EDEM1: variants seen among roughly 807,000 people sequenced by gnomAD.
EDEM1 encodes ER degradation-enhancing alpha-mannosidase-like protein 1.
In EDEM1, 67 loss-of-function variants were observed where a neutral mutation model predicts 74.4. The observed-to-expected ratio is 0.90, with a 90% CI of 0.74 to 1.10. The LOEUF is 1.10. EDEM1 is among the 50% of genes least tolerant of loss of function. EDEM1 has a pLI of 0.00. For synonymous variants in EDEM1, 382 were observed against 335.9 expected, an observed-to-expected ratio of 1.14 and a Z score of -1.50; for missense variants, 926 against 851.6, an observed-to-expected ratio of 1.09 and a Z score of -1.09.
chr3:5,219,239 T>G lies in EDEM1; in HGVS notation c.*3321T>G, dbSNP rs2055282104. 6.6e-6 allele frequency: 1 copy of G among 152,220 alleles called. No individual in the cohort carries two copies. The highest frequency in any genetic ancestry group is 2.4e-5 in the African/African-American group (1 of 41,450). 9.4% of individuals were successfully genotyped at this position (152,220 alleles called of 1,614,324 possible). On this transcript the variant is annotated 3_prime_UTR_variant, in exon 12 of 12. Coordinates refer to ENST00000256497, the MANE Select transcript of EDEM1 (RefSeq NM_014674.3). ...CTTTCTGGAGGGCACCAGGGGCCTT[T>G]CTCTTTGATAAATTTTTTTTGTCTG...
At position 5,203,095 on chromosome 3, in the gene EDEM1, A is replaced by G. The variant is rs1302434740; in HGVS notation, c.988A>G (p.Arg330Gly). 6.2e-7 allele frequency: 1 copy of G among 1,610,960 alleles called. No homozygotes were observed. Among genetic ancestry groups the G allele is most frequent in the African/African-American group, 1.3e-5 (1 of 74,784 alleles). ...LGDSTFEWVA[R>G]RAVKALWNLR... ...GGACTCCACATTTGAGTGGGTGGCC[A>G]GACGAGCAGTGAAAGCCCTTTGGAA... Residue 330 changes from arginine to glycine, a missense_variant, in exon 5 of 12, where the codon AGA becomes GGA. Coordinates refer to ENST00000256497, the MANE Select transcript of EDEM1 (RefSeq NM_014674.3).
Position 5,195,211 on chromosome 3 carries a change from C to A in EDEM1, c.512C>A (p.Ser171Ter). Reference protein sequence around the residue: ...RGRGPDRGDPSNLNINDVLGN... With the variant: ...RGRGPDRGDP ...TGAATTTTAATTTTCTTTTTCAGTT[C>A]AAATCTGAACATCAATGATGTACTA... The change falls in exon 2 of 12, where the codon TCA becomes TAA. Residue 171 changes from serine to a stop codon, truncating the protein, a stop_gained and splice_region_variant. Coordinates refer to ENST00000256497, the MANE Select transcript of EDEM1 (RefSeq NM_014674.3). LOFTEE classifies it high-confidence loss of function. 1 of 1,512,742 alleles carries A rather than the reference C, an allele frequency of 6.6e-7. No homozygotes were observed. The highest frequency in any genetic ancestry group is 1.3e-5 in the South Asian group (1 of 77,716). 93.7% of individuals were successfully genotyped at this position (1,512,742 alleles called of 1,614,324 possible). A position where few individuals can be genotyped will look rare whatever the true frequency, so the allele number is the denominator to read the frequency against.
chr3:5,208,311 C>A, intron 8 of EDEM1, 48 bp downstream of exon 8: 1 of 1,577,508 alleles, frequency 6.3e-7, no homozygotes, highest in Non-Finnish European at 8.6e-7. Context: ...CCTCCCCTGA[C>A]CCCAGCAGTT....
intron 6 of EDEM1, 112 bp from the exon 7 acceptor site, chr3:5,207,041 G>GA (rs1327316211): frequency 6.2e-5 from 90 of 1,462,538 alleles, no homozygotes; most frequent in Non-Finnish European, 7.7e-5. Context: ...TGAGTTAGGA[G>GA]AAAAAATTAA....
In EDEM1 at chr3:5,201,841, G is replaced by A. The variant is rs2055038640; in HGVS notation, c.775G>A (p.Glu259Lys). The part of the protein sequence containing the change: ...GDMTIKDYDN[E>K]LLYMAHDLAV... ...CATGACAATTAAGGACTATGATAAT[G>A]AGTTGTTATACATGGCCCATGACCT... Residue 259 changes from glutamate (E) to lysine (K), a missense_variant, in exon 4 of 12, where the codon GAG becomes AAG. Glu to Lys is a moderately conservative substitution (Grantham distance 56). Transcript: ENST00000256497. The A allele has an allele frequency of 6.2e-7, 1 of 1,614,080 alleles. No individual in the cohort carries two copies.
intron 10 of EDEM1, among the ~76,000 whole-genome samples, chr3:5,212,702 A>G (rs542556070): frequency 3.7e-4 from 57 of 152,236 alleles, no homozygotes; most frequent in Non-Finnish European, 6.9e-4. Flanking sequence ...CTTCTCCTGC[A>G]CTGTTGCATC....
intron 3 of EDEM1, among the ~76,000 whole-genome samples, chr3:5,201,439 C>T (rs1261296112): frequency 6.6e-6 from 1 of 152,150 alleles, no homozygotes; most frequent in African/African-American, 2.4e-5. Flanking sequence ...CGTGAGCCAC[C>T]GCACCCAGCC....
intron 10 of EDEM1, among the ~76,000 whole-genome samples, chr3:5,211,676 G>A (rs341990): frequency 0.57 from 86,969 of 151,598 alleles, 27,241 homozygotes; most frequent in East Asian, 0.79. Context: ...GTGTGTGTGT[G>A]TGTGTGTGTG....
chr3:5,215,900 G>C lies in EDEM1; in HGVS notation c.1956G>C (p.Gln652His). 2 of 1,612,930 alleles carry C rather than the reference G, an allele frequency of 1.2e-6. No individual in the cohort carries two copies. Among genetic ancestry groups the C allele is most frequent in the Non-Finnish European group, 1.7e-6 (2 of 1,179,556 alleles). The change falls in exon 12 of 12, where the codon CAG becomes CAC. Residue 652 changes from glutamine to histidine, a missense_variant. Physicochemically the swap from Gln to His is conservative, Grantham distance 24 (BLOSUM62 0). Transcript: ENST00000256497. ...GCATCTACATGCGACAGATTGACCA[G>C]ATGGTTGGTTTGATTTGATCTGCTC... ...LKSIYMRQID[Q>H]MVGLI is the part of the protein sequence containing the mutation.
intron 10 of EDEM1, among the ~76,000 whole-genome samples, chr3:5,211,622 A>G (rs924373330): frequency 4.6e-5 from 7 of 151,694 alleles, no homozygotes; most frequent in Non-Finnish European, 1.0e-4. Context: ...GTCTCTGTCC[A>G]TACACACATC....
chr3:5,187,949 C>T lies in EDEM1; in HGVS notation c.144C>T (p.Ser48=), dbSNP rs1462464709. 2 of 1,568,782 alleles carry T rather than the reference C, an allele frequency of 1.3e-6. No individual in the cohort carries two copies. Among genetic ancestry groups the T allele is most frequent in the Non-Finnish European group, 1.7e-6 (2 of 1,161,208 alleles). The change falls in exon 1 of 12, where the codon AGC becomes AGT. Residue 48 remains serine (S), a synonymous_variant. Transcript: ENST00000256497. ...GCTTCGGCTTCCAGCGTCTGAGGAG[C>T]CCCGACGGCCCCGCGTCGCCCACCT... ...PLSFGFQRLR[S]PDGPASPTSG... is the part of the protein sequence containing the mutation.
At chr3:5,195,335 A>T in intron 2 of EDEM1, 54 bp downstream of exon 2, 1 of 1,184,350 alleles carries the variant, frequency 8.4e-7, no homozygotes, top group Non-Finnish European at 1.2e-6. Context: ...AGAGTTGATT[A>T]TCCCTAGTTC....
rs775419224 is a variant in EDEM1 at position 5,208,290 on chromosome 3, T to C, written c.1509+27T>C. 70 of 1,594,144 alleles carry C rather than the reference T, an allele frequency of 4.4e-5. No homozygotes were observed. The South Asian group carries it at 5.2e-4, about 12-fold the overall frequency. On this transcript the variant is annotated intron_variant, in intron 8 of 11. Coordinates refer to ENST00000256497, the MANE Select transcript of EDEM1 (RefSeq NM_014674.3). ...TACTAGAGTTGTGTTTTTTTTTTTT[T>C]CCTTTCACTGCCTCCCCTGACCCCA...
Position 5,187,910 on chromosome 3 carries a change from G to C in EDEM1, c.105G>C (p.Gln35His). The C allele has an allele frequency of 6.3e-7, 1 of 1,598,156 alleles. No homozygotes were observed. Among genetic ancestry groups the C allele is most frequent in the Non-Finnish European group, 8.5e-7 (1 of 1,174,714 alleles). Residue 35 changes from glutamine (Q) to histidine (H), a missense_variant, in exon 1 of 12, where the codon CAG becomes CAC. By Grantham distance (24) the Gln-to-His change is conservative. Transcript: ENST00000256497. Reference protein sequence around the residue: ...FGLGPSMGFYQRFPLSFGFQR... With the variant: ...FGLGPSMGFYHRFPLSFGFQR... ...TGGGGCCCAGCATGGGCTTCTACCA[G>C]CGCTTTCCGCTCAGCTTCGGCTTCC... is the stretch of plus-strand genomic sequence containing the variant.
chr3:5,201,982 A>G (rs926571747), intron 4 of EDEM1, 58 bp downstream of exon 4: 28 of 1,549,392 alleles, frequency 1.8e-5, no homozygotes, highest in Non-Finnish European at 2.3e-5. Context: ...CTGAATTAAA[A>G]TTCTTTGCTT....
In EDEM1 at chr3:5,197,902, T is replaced by C. The variant is rs555645795; in HGVS notation, c.583-1690T>C. Among the ~76,000 whole-genome samples, 12 of 152,258 alleles carry C rather than the reference T, an allele frequency of 7.9e-5. No homozygotes were observed. In the South Asian group the frequency reaches 2.3e-3, roughly 29 times the overall value. ...TTAGGCACAGCTTGGTTTTATACAT[T>C]GTAGGGAGACATGAGACATCAATCA... On this transcript the variant is annotated intron_variant, in intron 2 of 11. Coordinates refer to ENST00000256497, the MANE Select transcript of EDEM1 (RefSeq NM_014674.3).
In EDEM1 at chr3:5,216,984, A is replaced by C. The variant is rs1284853732; in HGVS notation, c.*1066A>C. The C allele has an allele frequency of 6.6e-6, 1 of 152,650 alleles. No homozygotes were observed. The highest frequency in any genetic ancestry group is 1.5e-5 in the Non-Finnish European group (1 of 68,044). The allele number at this position is 152,650 out of a possible 1,614,324, so 9.5% of individuals were successfully genotyped here. ...AGAAAGAAATGATCACATGACTTTT[A>C]GCATCCTTGAGCCATTTCTCTGTGT... On this transcript the variant is annotated 3_prime_UTR_variant, in exon 12 of 12. Transcript: ENST00000256497.
chr3:5,195,974 A>C (rs1257724516), intron 2 of EDEM1, among the ~76,000 whole-genome samples: 8 of 152,258 alleles, frequency 5.3e-5, no homozygotes, highest in Admixed American at 5.2e-4. Flanking sequence ...AGGGGACTGT[A>C]TTCCAGCATA....
At chr3:5,191,390 ATT>A (rs879732969) in intron 1 of EDEM1, among the ~76,000 whole-genome samples, 2 of 144,270 alleles carry the variant, frequency 1.4e-5, no homozygotes, top group Admixed American at 6.9e-5. Context: ...TGCTCGGCTA[ATT>A]TTTTTTTTTT....
Sources: allele counts gnomAD v4.1 joint callset (sites outside exome capture counted in the v4.1 genomes callset), GRCh38; gene constraint gnomAD v4.1.1; transcripts MANE v1.5; gene names NCBI Gene and HGNC (gene_info 2026-07-23, HGNC 2026-07-21).